Variants in GRIK2 observed in about 807,000 individuals in gnomAD.
GRIK2 encodes the protein glutamate receptor ionotropic, kainate 2.
GRIK2 carries 32 observed loss-of-function variants against 100.3 expected under a neutral mutation model. That is an observed-to-expected ratio of 0.32 (90% CI 0.24 to 0.43). GRIK2 has a LOEUF of 0.43. Among genes scored for constraint, GRIK2 ranks in the 20% least tolerant of loss-of-function variants. The pLI is 1.00. For missense variants in GRIK2, 843 were observed against 1,114.9 expected (o/e 0.76, Z 3.47); for synonymous variants, 417 against 389.4 (o/e 1.07, Z -0.83).
In GRIK2 at chr6:101,548,041, G is replaced by A. The variant is rs1177592920; in HGVS notation, c.116-73908G>A. 2.0e-5 allele frequency among the ~76,000 whole-genome samples: 3 copies of A among 151,784 alleles called. No homozygotes were observed. In the East Asian group the frequency reaches 5.8e-4, roughly 29 times the overall value. ...CTGGTGTGAGATGGTATCTCATTGT[G>A]GTTTTGATTTGCATTTCTCTGATGG... On this transcript the variant is annotated intron_variant, in intron 2 of 16. Transcript: ENST00000369134.
At chr6:101,454,496 G>T (rs1044597811) in intron 2 of GRIK2, among the ~76,000 whole-genome samples, 2 of 152,076 alleles carry the variant, frequency 1.3e-5, no homozygotes, top group African/African-American at 2.4e-5. Context: ...CCAGTTCAGC[G>T]GTCTCAAGTC....
chr6:101,657,573 A>G (rs1178121894), intron 4 of GRIK2, among the ~76,000 whole-genome samples: 1 of 152,222 alleles, frequency 6.6e-6, no homozygotes, highest in Non-Finnish European at 1.5e-5. Flanking sequence ...TCAAGAAAGC[A>G]ATGGCCAATT....
chr6:102,019,172 G>T (rs1275819901), intron 14 of GRIK2, among the ~76,000 whole-genome samples: 1 of 151,914 alleles, frequency 6.6e-6, no homozygotes, highest in Non-Finnish European at 1.5e-5. Context: ...GAAATTTAAG[G>T]CTAGAGTCAG....
chr6:101,488,360 T>C (rs1772936955), intron 2 of GRIK2, among the ~76,000 whole-genome samples: 1 of 146,878 alleles, frequency 6.8e-6, no homozygotes, highest in Non-Finnish European at 1.5e-5. Context: ...GGTCATGAGT[T>C]GTGGTTTTTT....
chr6:101,964,510 ACTTCTAC>A (rs1265172500), intron 14 of GRIK2, among the ~76,000 whole-genome samples: 1 of 152,148 alleles, frequency 6.6e-6, no homozygotes, highest in Non-Finnish European at 1.5e-5. Context: ...GTGGGATACT[ACTTCTAC>A]CTGCTAGGCA....
chr6:102,048,395 GAA>G (rs1332780170), intron 15 of GRIK2, among the ~76,000 whole-genome samples: 3 of 151,440 alleles, frequency 2.0e-5, no homozygotes, highest in African/African-American at 7.3e-5. Flanking sequence ...GCAAAGGAAG[GAA>G]AAAAAATAAT....
intron 2 of GRIK2, among the ~76,000 whole-genome samples, chr6:101,616,372 C>A (rs1019093639): frequency 2.0e-5 from 3 of 151,584 alleles, no homozygotes; most frequent in Non-Finnish European, 4.4e-5. Flanking sequence ...ATCAGAAAGT[C>A]AAAATTAATC....
rs562489928 is a variant in GRIK2 at position 101,602,950 on chromosome 6, T to G, written c.116-18999T>G. ...TTGGAACAAGATTATCATCTCTATC[T>G]TCTCTATATCTTCTACTTTCTTATA... is the stretch of plus-strand genomic sequence containing the variant. On this transcript the variant is annotated intron_variant, in intron 2 of 16. Coordinates refer to ENST00000369134, the MANE Select transcript of GRIK2 (RefSeq NM_021956.5). Among the ~76,000 whole-genome samples the G allele has an allele frequency of 2.6e-5, 4 of 151,842 alleles. No homozygotes were observed. In the South Asian group the frequency reaches 8.3e-4, roughly 31 times the overall value.
chr6:101,975,793 GTCTA>G lies in GRIK2; in HGVS notation c.2085+47173_2085+47176del, dbSNP rs71028092. Among the ~76,000 whole-genome samples, 16 of 96,936 alleles carry G rather than the reference GTCTA, an allele frequency of 1.7e-4. 1 individual carries two copies. The highest frequency in any genetic ancestry group is 4.1e-4 in the East Asian group (1 of 2,436). The allele number at this position is 96,936 out of a possible 152,430, so 63.6% of individuals were successfully genotyped here. On this transcript the variant is annotated intron_variant, in intron 14 of 16. Coordinates refer to ENST00000369134, the MANE Select transcript of GRIK2 (RefSeq NM_021956.5). ...TATGTGTCTATCTGTCTGTCTGTCT[GTCTA>G]TCTATCTATCTGTCTATCTATCTAT...
At chr6:101,458,560 C>T (rs1771129426) in intron 2 of GRIK2, among the ~76,000 whole-genome samples, 1 of 152,230 alleles carries the variant, frequency 6.6e-6, no homozygotes, top group African/African-American at 2.4e-5. Context: ...CATTCACTGA[C>T]TCAGTCTGTG....
chr6:101,607,575 T>A (rs1011976842), intron 2 of GRIK2, among the ~76,000 whole-genome samples: 1 of 152,020 alleles, frequency 6.6e-6, no homozygotes, highest in Admixed American at 6.6e-5. Flanking sequence ...GAGTTATTTG[T>A]CTTTCTTGGA....
At chr6:101,781,814 G>T (rs1029643842) in intron 7 of GRIK2, among the ~76,000 whole-genome samples, 4 of 150,354 alleles carry the variant, frequency 2.7e-5, no homozygotes, top group Admixed American at 2.0e-4. Flanking sequence ...ACCTATTATT[G>T]AACCATATTC....
intron 2 of GRIK2, among the ~76,000 whole-genome samples, chr6:101,493,377 A>T (rs1335007989): frequency 6.6e-6 from 1 of 152,088 alleles, no homozygotes; most frequent in Non-Finnish European, 1.5e-5. Flanking sequence ...AAAATACAGA[A>T]TGCCTACAAA....
chr6:101,817,198 A>T (rs552391773), intron 9 of GRIK2, among the ~76,000 whole-genome samples: 1 of 152,324 alleles, frequency 6.6e-6, no homozygotes, highest in Admixed American at 6.5e-5. Flanking sequence ...TAACACCAAC[A>T]TCAGGAATAT....
intron 2 of GRIK2, among the ~76,000 whole-genome samples, chr6:101,582,253 G>C (rs905689193): frequency 3.3e-5 from 5 of 151,732 alleles, no homozygotes; most frequent in Non-Finnish European, 7.4e-5. Flanking sequence ...ACAGGCCCCG[G>C]TATGTTCCCC....
intron 2 of GRIK2, among the ~76,000 whole-genome samples, chr6:101,498,532 G>T (rs1038566855): frequency 1.3e-5 from 2 of 150,038 alleles, no homozygotes; most frequent in East Asian, 2.0e-4. Flanking sequence ...AGCACCTGTT[G>T]TTTCCTGACT....
intron 2 of GRIK2, among the ~76,000 whole-genome samples, chr6:101,499,561 T>C (rs1773642622): frequency 6.6e-6 from 1 of 152,174 alleles, no homozygotes; most frequent in Non-Finnish European, 1.5e-5. Context: ...TATCTTTTTA[T>C]TTTATCCTAT....
intron 7 of GRIK2, among the ~76,000 whole-genome samples, chr6:101,707,014 C>A (rs931516057): frequency 1.3e-5 from 2 of 151,742 alleles, no homozygotes; most frequent in Admixed American, 6.6e-5. Flanking sequence ...TTAATATGTT[C>A]ACCCTAATAG....
At chr6:101,771,609 T>A (rs1778410788) in intron 7 of GRIK2, among the ~76,000 whole-genome samples, 1 of 151,880 alleles carries the variant, frequency 6.6e-6, no homozygotes, top group Non-Finnish European at 1.5e-5. Flanking sequence ...TGTATACATG[T>A]GCCATGTTGG....
Sources: allele counts gnomAD v4.1 joint callset (sites outside exome capture counted in the v4.1 genomes callset), GRCh38; gene constraint gnomAD v4.1.1; transcripts MANE v1.5; gene names NCBI Gene and HGNC (gene_info 2026-07-23, HGNC 2026-07-21).